Variants in KIF9 observed in about 807,000 individuals in gnomAD.
The protein encoded by KIF9 is kinesin family member 9.
Under a neutral mutation model 94.8 loss-of-function variants are expected in KIF9, and 68 were observed. That is an observed-to-expected ratio of 0.72 (90% confidence interval 0.59 to 0.88). The LOEUF is 0.88. Ranked by LOEUF, KIF9 falls within the 40% of genes least tolerant of loss-of-function variation. KIF9 has a pLI of 0.00. For missense variants in KIF9, 882 were observed against 982.5 expected, an observed-to-expected ratio of 0.90 and a Z score of 1.37; for synonymous variants, 343 against 362.1, an observed-to-expected ratio of 0.95 and a Z score of 0.60.
At chr3:47,282,474 C>T (rs1247363146) in intron 1 of KIF9, 21 bp downstream of exon 1, 2 of 989,778 alleles carry the variant, frequency 2.0e-6, no homozygotes, top group Non-Finnish European at 2.4e-6. Flanking sequence ...CCACTCCCAC[C>T]GGCGAGCAGC....
Position 47,264,331 on chromosome 3 carries a change from G to A in KIF9, c.936C>T (p.Val312=). 6.2e-7 allele frequency: 1 copy of A among 1,613,720 alleles called. No individual in the cohort carries two copies. The highest frequency in any genetic ancestry group is 8.5e-7 in the Non-Finnish European group (1 of 1,179,648). The part of the protein sequence containing the change: ...KDSLGGNCNM[V]LVTNIYGEAA... Reference sequence around the variant, plus strand: ...CTTCTCCATAGATGTTTGTCACGAGGACCATATTGCAGTTTCCCCCTGCGG... The same window carrying A: ...CTTCTCCATAGATGTTTGTCACGAGAACCATATTGCAGTTTCCCCCTGCGG... Residue 312 remains valine (V), a synonymous_variant, in exon 9 of 21, where the codon GTC becomes GTT. Coordinates refer to ENST00000684063, the MANE Select transcript of KIF9 (RefSeq NM_182902.4).
chr3:47,282,762 A>G lies in KIF9; in HGVS notation c.-273T>C. The G allele has an allele frequency of 7.0e-7, 1 of 1,428,682 alleles. No homozygotes were observed. Among genetic ancestry groups the G allele is most frequent in the Non-Finnish European group, 9.1e-7 (1 of 1,095,568 alleles). 88.5% of individuals were successfully genotyped at this position (1,428,682 alleles called of 1,614,324 possible). A position where few individuals can be genotyped will look rare whatever the true frequency, so the allele number is the denominator to read the frequency against. ...ATGCACATGCGAAGTCAAGGTCGAGATAGCGAGGGAACGAAGGCCGCACAT... is the reference window on the plus strand; with the variant it reads ...ATGCACATGCGAAGTCAAGGTCGAGGTAGCGAGGGAACGAAGGCCGCACAT... On this transcript the variant is annotated 5_prime_UTR_variant, in exon 1 of 21. Transcript: ENST00000684063.
At chr3:47,278,204 T>C (rs1384316956) in intron 1 of KIF9, among the ~76,000 whole-genome samples, 1 of 152,020 alleles carries the variant, frequency 6.6e-6, no homozygotes, top group Non-Finnish European at 1.5e-5. Context: ...CCCCAGTAGC[T>C]GGGACTACAG....
intron 10 of KIF9, among the ~76,000 whole-genome samples, chr3:47,255,401 T>A (rs1333683816): frequency 6.6e-6 from 1 of 152,202 alleles, no homozygotes. Context: ...GCCAGCTGTT[T>A]ACTGGGACGA....
chr3:47,259,515 C>G (rs1383563242), intron 9 of KIF9, among the ~76,000 whole-genome samples: 2 of 152,078 alleles, frequency 1.3e-5, no homozygotes, highest in Non-Finnish European at 2.9e-5. Context: ...AGAGAAGGGG[C>G]AGATAATGGG....
chr3:47,238,949 C>T lies in KIF9; in HGVS notation c.1924+1852G>A, dbSNP rs538306002. On this transcript the variant is annotated intron_variant, in intron 17 of 20. Transcript: ENST00000684063. ...AAGTGCTGGGATTATAGGCGTGAGC[C>T]ACCGCGCCCAGCCGAAAATCGGGCA... Among the ~76,000 whole-genome samples the T allele has an allele frequency of 3.2e-3, 481 of 152,326 alleles. 1 individual carries two copies. Among genetic ancestry groups the T allele is most frequent in the Non-Finnish European group, 4.5e-3 (309 of 68,034 alleles).
intron 16 of KIF9, 78 bp from the exon 17 acceptor site, chr3:47,241,093 C>A: frequency 1.5e-6 from 2 of 1,311,740 alleles, no homozygotes; most frequent in South Asian, 2.5e-5. Flanking sequence ...ATCTTTCTTC[C>A]CTGGGACTTC....
intron 5 of KIF9, among the ~76,000 whole-genome samples, chr3:47,269,302 G>C (rs553513963): frequency 6.6e-6 from 1 of 152,296 alleles, no homozygotes; most frequent in East Asian, 1.9e-4. Context: ...TTGTTTTTGA[G>C]ACAGAGTGTT....
At chr3:47,250,965 T>C (rs889983129) in intron 10 of KIF9, among the ~76,000 whole-genome samples, 1 of 152,236 alleles carries the variant, frequency 6.6e-6, no homozygotes, top group African/African-American at 2.4e-5. Flanking sequence ...CCTGGCATCC[T>C]GATGGCTCTG....
chr3:47,240,684 C>G lies in KIF9; in HGVS notation c.1924+117G>C, dbSNP rs1229387723. 3 of 839,292 alleles carry G rather than the reference C, an allele frequency of 3.6e-6. No homozygotes were observed. In the Admixed American group the frequency reaches 6.2e-5, roughly 17 times the overall value. The allele number at this position is 839,292 out of a possible 1,614,324, so 52.0% of individuals were successfully genotyped here. On this transcript the variant is annotated intron_variant, in intron 17 of 20. Coordinates refer to ENST00000684063, the MANE Select transcript of KIF9 (RefSeq NM_182902.4). ...CTGACCTATGGGTGAAGGCCACATC[C>G]CAGCACCCCCACTGGCCCCCTCCCA...
In KIF9 at chr3:47,228,622, C is replaced by T. The variant is rs918742197; in HGVS notation, c.*30G>A. 2 of 1,600,630 alleles carry T rather than the reference C, an allele frequency of 1.2e-6. No homozygotes were observed. The highest frequency in any genetic ancestry group is 2.7e-5 in the African/African-American group (2 of 74,594). ...ACTACAGTAGGTGGGAGTTGCTGGT[C>T]TTGTCCTTTAAGGTACTGGCGATGA... On this transcript the variant is annotated 3_prime_UTR_variant, in exon 21 of 21. Transcript: ENST00000684063.
intron 10 of KIF9, among the ~76,000 whole-genome samples, chr3:47,249,898 A>C (rs986866817): frequency 1.3e-5 from 2 of 152,186 alleles, no homozygotes; most frequent in African/African-American, 4.8e-5. Flanking sequence ...AAATTACAAA[A>C]ATTGGCCAAG....
chr3:47,241,781 G>A (rs1403227598), intron 16 of KIF9, among the ~76,000 whole-genome samples: 8 of 94,324 alleles, frequency 8.5e-5, no homozygotes, highest in African/African-American at 1.3e-4. Context: ...ATATATACAT[G>A]TATATACGTG....
intron 4 of KIF9, 84 bp from the exon 5 acceptor site, chr3:47,271,545 G>T: frequency 1.1e-6 from 1 of 896,384 alleles, no homozygotes; most frequent in Non-Finnish European, 1.9e-6. Flanking sequence ...ACTCAGAAGG[G>T]AACATCAAGA....
At position 47,282,183 on chromosome 3, in the gene KIF9, T is replaced by C. The variant is rs1330519118; in HGVS notation, c.-6+312A>G. ...CGACTGGTGATCCCAAAGCCCCCTC[T>C]AGTTCGAAAACTGACTAGTACGGAA... is the stretch of plus-strand genomic sequence containing the variant. On this transcript the variant is annotated intron_variant, in intron 1 of 20. Transcript: ENST00000684063. 3 of 985,332 alleles carry C rather than the reference T, an allele frequency of 3.0e-6. No homozygotes were observed. In the African/African-American group the frequency reaches 5.2e-5, roughly 17 times the overall value. The allele number at this position is 985,332 out of a possible 1,614,324, so 61.0% of individuals were successfully genotyped here.
intron 5 of KIF9, 55 bp from the exon 6 acceptor site, chr3:47,267,318 C>G (rs1701351461): frequency 1.6e-6 from 2 of 1,288,062 alleles, no homozygotes; most frequent in African/African-American, 1.5e-5. Context: ...CGACAAGGCA[C>G]TTGGGTCATT....
intron 10 of KIF9, chr3:47,250,396 C>CT (rs1375346743): frequency 4.9e-6 from 1 of 205,226 alleles, no homozygotes; most frequent in Non-Finnish European, 1.1e-5. Context: ...TCCCATCAGA[C>CT]TGCAAGCTCA....
At chr3:47,237,925 T>G (rs1699156578) in intron 17 of KIF9, among the ~76,000 whole-genome samples, 1 of 152,148 alleles carries the variant, frequency 6.6e-6, no homozygotes, top group Non-Finnish European at 1.5e-5. Flanking sequence ...CTGATGTGAT[T>G]ATTTGGATAA....
chr3:47,269,017 G>A (rs576229906), intron 5 of KIF9, among the ~76,000 whole-genome samples: 4 of 151,846 alleles, frequency 2.6e-5, no homozygotes, highest in South Asian at 2.1e-4. Context: ...CCAGTGATCC[G>A]CCTGCCCCGG....
Sources: allele counts gnomAD v4.1 joint callset (sites outside exome capture counted in the v4.1 genomes callset), GRCh38; gene constraint gnomAD v4.1.1; transcripts MANE v1.5; gene names NCBI Gene and HGNC (gene_info 2026-07-23, HGNC 2026-07-21).